The following COL4A6 variants were observed in gnomAD, a reference collection of about 807,000 sequenced individuals.
COL4A6 encodes the protein collagen alpha-6(IV) chain.
A neutral mutation model predicts 126.7 loss-of-function variants in COL4A6; 59 were observed. The observed-to-expected ratio is 0.47, with a 90% CI of 0.38 to 0.58. COL4A6 has a LOEUF of 0.58. COL4A6 is among the 20% of genes least tolerant of loss of function. The pLI is 0.00. For missense variants in COL4A6, 1,285 were observed against 1,337.3 expected (o/e 0.96, Z 0.61); for synonymous variants, 547 against 496.6 (o/e 1.10, Z -1.35).
chrX:108,165,027 G>A lies in COL4A6; in HGVS notation c.3820C>T (p.Pro1274Ser), dbSNP rs1401832941. 1 of 1,203,324 alleles carries A rather than the reference G, an allele frequency of 8.3e-7. No homozygotes were observed. Among genetic ancestry groups the A allele is most frequent in the Non-Finnish European group, 1.1e-6 (1 of 893,114 alleles). ...CCAGGGGGACCTGGGGGTCCAGCGG[G>A]GCCTGGGCGGCCTAGGGATAAGATC... is the stretch of plus-strand genomic sequence containing the variant. ...GLDGERGRPGPAGPPGPPGPS... is the reference protein window; with the variant it reads ...GLDGERGRPGSAGPPGPPGPS... The change falls in exon 39 of 45, where the codon CCC (proline) becomes TCC (serine). Residue 1274 changes from proline to serine, a missense_variant. Physicochemically the swap from Pro to Ser is moderately conservative, Grantham distance 74 (BLOSUM62 -1). Coordinates refer to ENST00000334504, the MANE Select transcript of COL4A6 (RefSeq NM_033641.4).
In COL4A6 at chrX:108,180,555, C is replaced by T. The variant is rs2034652436; in HGVS notation, c.2091G>A (p.Glu697=). 2.5e-6 allele frequency: 3 copies of T among 1,206,979 alleles called. No individual in the cohort carries two copies. The highest frequency in any genetic ancestry group is 2.3e-4 in the Middle Eastern group (1 of 4,355). Residue 697 remains glutamate, a synonymous_variant, in exon 25 of 45, where the codon GAG becomes GAA. Coordinates refer to ENST00000334504, the MANE Select transcript of COL4A6 (RefSeq NM_033641.4). ...GQPGSSGSKG[E]PGSPGLVHLP... is the part of the protein sequence containing the mutation. ...GATGAACCAATCCTGGACTCCCTGG[C>T]TCTCCTTTACTTCCACTTGACCCAG... is the stretch of plus-strand genomic sequence containing the variant.
chrX:108,200,234 AATGAT>A (rs2035348456), intron 13 of COL4A6, among the ~76,000 whole-genome samples: 1 of 112,890 alleles, frequency 8.9e-6, no homozygotes, highest in South Asian at 3.6e-4. Flanking sequence ...GATTAATTTA[AATGAT>A]ATATTTTACT....
intron 2 of COL4A6, among the ~76,000 whole-genome samples, chrX:108,398,787 T>C (rs1305985732): frequency 9.0e-6 from 1 of 111,374 alleles, no homozygotes; most frequent in Non-Finnish European, 1.9e-5. Flanking sequence ...CAGAGAGATA[T>C]ATGCTAGGAA....
chrX:108,312,315 T>C (rs2038783149), intron 2 of COL4A6, among the ~76,000 whole-genome samples: 2 of 112,195 alleles, frequency 1.8e-5, no homozygotes, highest in African/African-American at 6.5e-5. Flanking sequence ...ACCTTGGTAA[T>C]AAGGTAAAGA....
chrX:108,337,298 C>T (rs1397035004), intron 2 of COL4A6, among the ~76,000 whole-genome samples: 4 of 111,657 alleles, frequency 3.6e-5, no homozygotes, highest in African/African-American at 1.3e-4. Flanking sequence ...CTATTCCTTA[C>T]ACTTATTTGA....
chrX:108,354,168 A>C, intron 2 of COL4A6, among the ~76,000 whole-genome samples: 1 of 111,445 alleles, frequency 9.0e-6, no homozygotes, highest in African/African-American at 3.3e-5. Flanking sequence ...CTCAAAAAAA[A>C]AATAAGTGAC....
upstream of COL4A6, among the ~76,000 whole-genome samples, chrX:108,438,756 A>T (rs916231469): frequency 8.9e-6 from 1 of 112,966 alleles, no homozygotes; most frequent in Admixed American, 9.3e-5. Flanking sequence ...TTGATAGTAC[A>T]CTAGGCTATT....
intron 2 of COL4A6, among the ~76,000 whole-genome samples, chrX:108,404,013 C>G (rs1007164961): frequency 1.8e-4 from 20 of 111,520 alleles, no homozygotes; most frequent in African/African-American, 6.5e-4. Context: ...CTTTGTGCCC[C>G]TCAACCTTGC....
At chrX:108,195,520 C>T (rs1333586990) in intron 14 of COL4A6, among the ~76,000 whole-genome samples, 1 of 112,430 alleles carries the variant, frequency 8.9e-6, no homozygotes, top group Non-Finnish European at 1.9e-5. Flanking sequence ...CATCCACCCG[C>T]CTTGGCCTCC....
In COL4A6 at chrX:108,169,974, G is replaced by A. The variant is rs1184580431; in HGVS notation, c.3536C>T (p.Pro1179Leu). Residue 1179 changes from proline to leucine, a missense_variant, in exon 36 of 45, where the codon CCG becomes CTG. By Grantham distance (98) the Pro-to-Leu change is moderately conservative (BLOSUM62 -3). Transcript: ENST00000334504. ...FPGLHGLNGL[P>L]GTKGTHGTPG... ...AGTGCCATGGGTACCCTTGGTGCCC[G>A]GAAGCCCATTCAGTCCATGTAAACC... 7.6e-6 allele frequency: 9 copies of A among 1,189,149 alleles called. No individual in the cohort carries two copies. The highest frequency in any genetic ancestry group is 3.5e-5 in the African/African-American group (2 of 56,562).
chrX:108,260,150 A>T (rs766973836), intron 3 of COL4A6, among the ~76,000 whole-genome samples: 2 of 109,979 alleles, frequency 1.8e-5, no homozygotes, highest in Non-Finnish European at 3.8e-5. Flanking sequence ...ATATTATTAC[A>T]ATTATTATAA....
chrX:108,219,689 C>CA lies in COL4A6; in HGVS notation c.324+8dup, dbSNP rs1300603161. 9 of 1,203,528 alleles carry CA rather than the reference C, an allele frequency of 7.5e-6. No individual in the cohort carries two copies. Among genetic ancestry groups the CA allele is most frequent in the African/African-American group, 3.5e-5 (2 of 56,849 alleles). ...AGGATATGAAAAATTCATCTGTGGA[C>CA]ACACTCACCGGAATCCCATTGATGC... On this transcript the variant is annotated intron_variant, in intron 5 of 44. Coordinates refer to ENST00000334504, the MANE Select transcript of COL4A6 (RefSeq NM_033641.4).
intron 43 of COL4A6, among the ~76,000 whole-genome samples, 193 bp downstream of exon 43, chrX:108,160,270 A>ATAAC (rs1361127181): frequency 2.7e-5 from 3 of 112,706 alleles, no homozygotes; most frequent in African/African-American, 9.7e-5. Flanking sequence ...GAGAGGTTGA[A>ATAAC]TAACTAATGC....
chrX:108,179,962 AG>A (rs755162970), intron 25 of COL4A6, among the ~76,000 whole-genome samples: 1 of 109,794 alleles, frequency 9.1e-6, no homozygotes, highest in South Asian at 4.1e-4. Flanking sequence ...TCCTGTGGAG[AG>A]GCAGAAAATT....
intron 2 of COL4A6, among the ~76,000 whole-genome samples, chrX:108,416,673 C>A (rs900889853): frequency 8.9e-6 from 1 of 111,830 alleles, no homozygotes; most frequent in African/African-American, 3.3e-5. Flanking sequence ...TAATGAATAA[C>A]CACATACTAA....
At chrX:108,318,738 TGGAAGAATATTCCATGCTCATGGGTA>T (rs1299614312) in intron 2 of COL4A6, among the ~76,000 whole-genome samples, 1 of 112,143 alleles carries the variant, frequency 8.9e-6, no homozygotes, top group Non-Finnish European at 1.9e-5. Context: ...TACAAACAAA[TGGAAGAATATTCCATGCTCATGGGTA>T]GGAAGAATCA....
At chrX:108,338,247 T>G (rs1193494972) in intron 2 of COL4A6, among the ~76,000 whole-genome samples, 3 of 111,938 alleles carry the variant, frequency 2.7e-5, no homozygotes, top group African/African-American at 9.7e-5. Flanking sequence ...GGACACATGG[T>G]TATTCATCAA....
At chrX:108,218,997 T>C (rs907210308) in intron 5 of COL4A6, among the ~76,000 whole-genome samples, 5 of 112,387 alleles carry the variant, frequency 4.4e-5, no homozygotes, top group African/African-American at 6.5e-5. Flanking sequence ...TTCCAAATAT[T>C]GTATTTTAAA....
chrX:108,364,164 G>A (rs1000163745), intron 2 of COL4A6, among the ~76,000 whole-genome samples: 2 of 110,716 alleles, frequency 1.8e-5, no homozygotes, highest in Admixed American at 9.6e-5. Flanking sequence ...GAGCCACCAC[G>A]ACTGGCCCAC....
Sources: allele counts gnomAD v4.1 joint callset (sites outside exome capture counted in the v4.1 genomes callset), GRCh38; gene constraint gnomAD v4.1.1; transcripts MANE v1.5; gene names NCBI Gene and HGNC (gene_info 2026-07-23, HGNC 2026-07-21).